ROBO1: variants seen among roughly 807,000 people sequenced by gnomAD.
The protein encoded by ROBO1 is roundabout homolog 1.
Under a neutral mutation model 195.9 loss-of-function variants are expected in ROBO1, and 149 were observed. That is an observed-to-expected ratio of 0.76 (90% CI 0.67 to 0.87). The LOEUF (loss-of-function observed/expected upper bound fraction) is 0.87, where lower values mean the gene tolerates loss of function less well. Ranked by LOEUF, ROBO1 falls within the 40% of genes least tolerant of loss-of-function variation. ROBO1 has a pLI of 0.00. For missense variants in ROBO1, 1,933 were observed against 2,068.3 expected (o/e 0.93, Z 1.27); for synonymous variants, 816 against 733.2 (o/e 1.11, Z -1.82).
chr3:79,262,312 C>G (rs1197624389), intron 2 of ROBO1, among the ~76,000 whole-genome samples: 1 of 152,062 alleles, frequency 6.6e-6, no homozygotes, highest in Non-Finnish European at 1.5e-5. Context: ...CATCGATTCT[C>G]TCTCCAAGCC....
intron 4 of ROBO1, among the ~76,000 whole-genome samples, chr3:78,899,822 C>T (rs2037476761): frequency 6.6e-6 from 1 of 152,024 alleles, no homozygotes; most frequent in African/African-American, 2.4e-5. Flanking sequence ...CACATCCTGT[C>T]AAATAAAGGC....
intron 4 of ROBO1, among the ~76,000 whole-genome samples, chr3:78,922,351 C>T (rs2038982676): frequency 6.6e-6 from 1 of 151,890 alleles, no homozygotes; most frequent in South Asian, 2.2e-4. Context: ...CTACCCTTAC[C>T]TACCAATGTA....
intron 2 of ROBO1, among the ~76,000 whole-genome samples, chr3:79,394,098 G>A (rs2037051090): frequency 6.6e-6 from 1 of 151,772 alleles, no homozygotes; most frequent in African/African-American, 2.4e-5. Flanking sequence ...AAATCAGTTG[G>A]CAATAAGCCC....
At chr3:78,616,357 G>A (rs1182228896) in intron 27 of ROBO1, among the ~76,000 whole-genome samples, 1 of 152,032 alleles carries the variant, frequency 6.6e-6, no homozygotes, top group Non-Finnish European at 1.5e-5. Context: ...ATTACATTCA[G>A]CAGCTACTAG....
At chr3:78,839,162 C>T (rs1243139964) in intron 4 of ROBO1, among the ~76,000 whole-genome samples, 1 of 152,086 alleles carries the variant, frequency 6.6e-6, no homozygotes, top group East Asian at 1.9e-4. Flanking sequence ...AGATTCATTG[C>T]ATTGCATCAC....
At chr3:78,710,803 A>G (rs2081665273) in intron 8 of ROBO1, among the ~76,000 whole-genome samples, 1 of 152,220 alleles carries the variant, frequency 6.6e-6, no homozygotes, top group African/African-American at 2.4e-5. Flanking sequence ...GACATTTTAA[A>G]AAGTCTTCTA....
At chr3:79,153,092 G>T (rs975698855) in intron 2 of ROBO1, among the ~76,000 whole-genome samples, 1 of 151,686 alleles carries the variant, frequency 6.6e-6, no homozygotes, top group Non-Finnish European at 1.5e-5. Context: ...TTGTGTGGAG[G>T]ACGGATGTGT....
chr3:79,401,572 A>G (rs547444542), intron 2 of ROBO1, among the ~76,000 whole-genome samples: 1 of 151,976 alleles, frequency 6.6e-6, no homozygotes, highest in African/African-American at 2.4e-5. Flanking sequence ...AAGCATTTTA[A>G]TTAAGTTTTT....
At chr3:79,413,087 AAT>A (rs562169003) in intron 2 of ROBO1, among the ~76,000 whole-genome samples, 127 of 151,364 alleles carry the variant, frequency 8.4e-4, no homozygotes, top group African/African-American at 2.9e-3. Flanking sequence ...ATAGAACAAT[AAT>A]ATATATATAT....
intron 1 of ROBO1, among the ~76,000 whole-genome samples, chr3:79,706,766 G>C: frequency 6.6e-6 from 1 of 152,056 alleles, no homozygotes. Flanking sequence ...GGCGTCCCCA[G>C]CTACTTGGAA....
intron 2 of ROBO1, among the ~76,000 whole-genome samples, chr3:79,427,764 A>G (rs904163315): frequency 1.3e-5 from 2 of 152,160 alleles, no homozygotes; most frequent in South Asian, 2.1e-4. Context: ...CTAGACTGGT[A>G]TCTCTCACCA....
intron 3 of ROBO1, among the ~76,000 whole-genome samples, chr3:79,026,717 A>T (rs550221871): frequency 6.6e-6 from 1 of 152,184 alleles, no homozygotes; most frequent in East Asian, 1.9e-4. Flanking sequence ...TCTGAAACCA[A>T]ACATATACTA....
intron 4 of ROBO1, among the ~76,000 whole-genome samples, chr3:78,876,829 AC>A (rs1328891820): frequency 6.6e-6 from 1 of 152,164 alleles, no homozygotes; most frequent in East Asian, 1.9e-4. Context: ...AAGAATAGAT[AC>A]GTGAAGACTC....
chr3:79,272,290 C>A (rs1255837992), intron 2 of ROBO1, among the ~76,000 whole-genome samples: 1 of 151,960 alleles, frequency 6.6e-6, no homozygotes, highest in Non-Finnish European at 1.5e-5. Context: ...TCTATTATTA[C>A]TTAAAGATTA....
chr3:78,924,069 A>C (rs971063618), intron 4 of ROBO1, among the ~76,000 whole-genome samples: 1 of 152,134 alleles, frequency 6.6e-6, no homozygotes, highest in Non-Finnish European at 1.5e-5. Flanking sequence ...ACACACATAC[A>C]TGTATAAGTA....
chr3:79,441,627 T>A (rs1375764558), intron 2 of ROBO1, among the ~76,000 whole-genome samples: 1 of 152,098 alleles, frequency 6.6e-6, no homozygotes, highest in African/African-American at 2.4e-5. Context: ...AATAACTTCA[T>A]CTTGAATTTC....
At chr3:78,700,721 C>T (rs1437378226) in intron 8 of ROBO1, among the ~76,000 whole-genome samples, 1 of 151,430 alleles carries the variant, frequency 6.6e-6, no homozygotes, top group Non-Finnish European at 1.5e-5. Flanking sequence ...TCAGGTAAGA[C>T]AGGGAGTATT....
intron 26 of ROBO1, among the ~76,000 whole-genome samples, chr3:78,620,968 A>C (rs1704421541): frequency 6.6e-6 from 1 of 151,410 alleles, no homozygotes; most frequent in Admixed American, 6.6e-5. Flanking sequence ...TAAGAAATAA[A>C]AGCTAATATA....
intron 2 of ROBO1, among the ~76,000 whole-genome samples, chr3:79,212,821 G>GA (rs1378098584): frequency 8.1e-5 from 12 of 148,704 alleles, no homozygotes; most frequent in Admixed American, 2.7e-4. Flanking sequence ...CTCTGTCTCA[G>GA]AAAAAATAAA....
Sources: allele counts gnomAD v4.1 joint callset (sites outside exome capture counted in the v4.1 genomes callset), GRCh38; gene constraint gnomAD v4.1.1; transcripts MANE v1.5; gene names NCBI Gene and HGNC (gene_info 2026-07-23, HGNC 2026-07-21).